RNF144A: variants seen among roughly 807,000 people sequenced by gnomAD.
The protein encoded by RNF144A is E3 ubiquitin-protein ligase RNF144A.
Under a neutral mutation model 38.7 loss-of-function variants are expected in RNF144A, and 11 were observed. The observed-to-expected ratio is 0.28, with a 90% confidence interval of 0.18 to 0.47. The LOEUF is 0.47. Ranked by LOEUF, RNF144A falls within the 20% of genes least tolerant of loss-of-function variation. The pLI is 0.99. For synonymous variants in RNF144A, 149 were observed against 143.9 expected, an observed-to-expected ratio of 1.04 and a Z score of -0.25; for missense variants, 316 against 377.2, an observed-to-expected ratio of 0.84 and a Z score of 1.34.
intron 6 of RNF144A, among the ~76,000 whole-genome samples, chr2:7,050,195 G>A (rs1221655773): frequency 1.3e-5 from 2 of 152,132 alleles, no homozygotes; most frequent in African/African-American, 4.8e-5. Flanking sequence ...ATCCCCACAC[G>A]TCCAGGGTGG....
At position 7,039,912 on chromosome 2, in the gene RNF144A, C is replaced by A; in HGVS notation, c.*152C>A. On this transcript the variant is annotated 3_prime_UTR_variant, in exon 9 of 9. Coordinates refer to ENST00000320892, the MANE Select transcript of RNF144A (RefSeq NM_014746.6). ...AGGCTGGACGCCGTGATTTCAGGGA[C>A]CTATGTCACAATGTTCGCTGAGGCC... The A allele has an allele frequency of 7.0e-7, 1 of 1,437,220 alleles. No homozygotes were observed. Among genetic ancestry groups the A allele is most frequent in the Non-Finnish European group, 9.1e-7 (1 of 1,096,368 alleles). 89.0% of individuals were successfully genotyped at this position (1,437,220 alleles called of 1,614,324 possible).
chr2:6,938,823 CATATA>C (rs1276912340), intron 1 of RNF144A, among the ~76,000 whole-genome samples: 3 of 152,150 alleles, frequency 2.0e-5, no homozygotes, highest in Admixed American at 2.0e-4. Flanking sequence ...TGAGTGGTTT[CATATA>C]ATATATGTCC....
intron 2 of RNF144A, chr2:6,978,820 C>T (rs938553780): frequency 1.3e-5 from 2 of 152,618 alleles, no homozygotes; most frequent in Non-Finnish European, 2.9e-5. Flanking sequence ...TGGGGATCAT[C>T]ACCACCATGT....
chr2:7,000,466 C>T (rs1446727315), intron 3 of RNF144A, among the ~76,000 whole-genome samples: 2 of 152,096 alleles, frequency 1.3e-5, no homozygotes, highest in African/African-American at 4.8e-5. Flanking sequence ...TGGGAAATTC[C>T]TTATGGGCTG....
At chr2:6,970,502 A>G (rs1667943397) in intron 2 of RNF144A, among the ~76,000 whole-genome samples, 1 of 152,212 alleles carries the variant, frequency 6.6e-6, no homozygotes, top group Non-Finnish European at 1.5e-5. Flanking sequence ...AGCAGCATGA[A>G]AACAGACGAA....
chr2:6,949,852 C>T (rs1246619716), intron 2 of RNF144A, among the ~76,000 whole-genome samples: 1 of 152,152 alleles, frequency 6.6e-6, no homozygotes, highest in Non-Finnish European at 1.5e-5. Context: ...TATACATACA[C>T]AGTAAAATTA....
intron 2 of RNF144A, among the ~76,000 whole-genome samples, chr2:6,984,328 A>C (rs1406316562): frequency 6.6e-6 from 1 of 150,720 alleles, no homozygotes; most frequent in Non-Finnish European, 1.5e-5. Context: ...TCCAAGAAGG[A>C]GTCTTGCTCT....
At chr2:7,051,102 G>A (rs572677789) in intron 6 of RNF144A, among the ~76,000 whole-genome samples, 25 of 152,334 alleles carry the variant, frequency 1.6e-4, no homozygotes, top group African/African-American at 5.8e-4. Flanking sequence ...TCCACAGGTG[G>A]TAGCAGAGAG....
chr2:7,061,591 C>T (rs541966267), intron 6 of RNF144A, among the ~76,000 whole-genome samples: 25 of 152,280 alleles, frequency 1.6e-4, no homozygotes, highest in African/African-American at 5.8e-4. Flanking sequence ...GTTTCCATCA[C>T]AAGCAGCCAG....
At chr2:7,059,928 T>C (rs887518901) in intron 6 of RNF144A, among the ~76,000 whole-genome samples, 6 of 152,258 alleles carry the variant, frequency 3.9e-5, no homozygotes, top group Non-Finnish European at 8.8e-5. Flanking sequence ...AATAAAGTTA[T>C]GTTGTTGTGG....
chr2:6,990,423 CACACACACACACAG>C (rs750405805), intron 2 of RNF144A, among the ~76,000 whole-genome samples: 8,571 of 124,608 alleles, frequency 0.069, 339 homozygotes, highest in African/African-American at 0.1. Context: ...CACACACACA[CACACACACACACAG>C]AGCTATATAT....
Position 7,040,406 on chromosome 2 carries a change from T to C in RNF144A, c.*646T>C. On this transcript the variant is annotated 3_prime_UTR_variant, in exon 9 of 9. Coordinates refer to ENST00000320892, the MANE Select transcript of RNF144A (RefSeq NM_014746.6). ...TCTTTGTGTTTTTCTTGAAACTTGC[T>C]GTAGTAACTTTTTGAACGCTGTAAG... The C allele has an allele frequency of 1.0e-6, 1 of 985,488 alleles. No individual in the cohort carries two copies. The allele number at this position is 985,488 out of a possible 1,614,324, so 61.0% of individuals were successfully genotyped here.
intron 2 of RNF144A, among the ~76,000 whole-genome samples, chr2:6,990,508 A>G (rs1669282782): frequency 7.4e-6 from 1 of 135,188 alleles, no homozygotes; most frequent in Non-Finnish European, 1.6e-5. Context: ...TATATAATAT[A>G]TGATATAACA....
chr2:7,032,550 G>C (rs1244427007), intron 8 of RNF144A, among the ~76,000 whole-genome samples: 1 of 152,252 alleles, frequency 6.6e-6, no homozygotes, highest in Non-Finnish European at 1.5e-5. Context: ...GCCTTGTCCA[G>C]CTTCTGTGGT....
At chr2:7,019,880 C>T (rs1244294080) in intron 5 of RNF144A, among the ~76,000 whole-genome samples, 2 of 152,228 alleles carry the variant, frequency 1.3e-5, no homozygotes, top group African/African-American at 4.8e-5. Context: ...ATTGGTTTCA[C>T]TCCGTAGTTA....
chr2:6,975,467 C>T (rs1668253822), intron 2 of RNF144A, among the ~76,000 whole-genome samples: 1 of 152,188 alleles, frequency 6.6e-6, no homozygotes, highest in African/African-American at 2.4e-5. Flanking sequence ...GCCACCTGTG[C>T]CTGCTCATTC....
Position 7,042,580 on chromosome 2 carries a change from C to T in RNF144A, c.*2820C>T, listed in dbSNP as rs1673113912. 1 of 985,576 alleles carries T rather than the reference C, an allele frequency of 1.0e-6. No homozygotes were observed. Among genetic ancestry groups the T allele is most frequent in the Non-Finnish European group, 1.2e-6 (1 of 830,040 alleles). 61.1% of individuals were successfully genotyped at this position (985,576 alleles called of 1,614,324 possible). A position where few individuals can be genotyped will look rare whatever the true frequency, so the allele number is the denominator to read the frequency against. On this transcript the variant is annotated 3_prime_UTR_variant, in exon 9 of 9. Transcript: ENST00000320892. ...CAGTGGACCTGTGGCTTCTCTGAGG[C>T]CCTTGAGTAACTGACCACATTTGGA...
intron 3 of RNF144A, among the ~76,000 whole-genome samples, chr2:7,006,703 C>T (rs963302305): frequency 1.3e-5 from 2 of 152,146 alleles, no homozygotes; most frequent in African/African-American, 4.8e-5. Flanking sequence ...CAAAGCCTCC[C>T]ATCCTCCCTT....
intron 2 of RNF144A, among the ~76,000 whole-genome samples, chr2:6,990,045 CA>C (rs1445494111): frequency 6.6e-6 from 1 of 152,196 alleles, no homozygotes; most frequent in Non-Finnish European, 1.5e-5. Context: ...CATTGATCAG[CA>C]TTCTCTCCCA....
Sources: gnomAD v4.1 joint callset for allele counts (sites outside exome capture counted in the v4.1 genomes callset) on GRCh38, gnomAD v4.1.1 for gene constraint, MANE v1.5 for transcripts, NCBI Gene and HGNC (gene_info 2026-07-23, HGNC 2026-07-21) for gene names.